ENPP3: variants seen among roughly 807,000 people sequenced by gnomAD.
ENPP3 encodes the protein ectonucleotide pyrophosphatase/phosphodiesterase 3, also known as ectonucleotide pyrophosphatase/phosphodiesterase family member 3.
ENPP3 carries 104 observed loss-of-function variants against 117.8 expected under a neutral mutation model. That is an observed-to-expected ratio of 0.88 (90% CI 0.75 to 1.04). The LOEUF is 1.04. Ranked by LOEUF, ENPP3 falls within the 50% of genes least tolerant of loss-of-function variation. The pLI, the probability that ENPP3 is intolerant of heterozygous loss-of-function variation, is 0.00. For missense variants in ENPP3, 1,026 were observed against 1,051.9 expected (o/e 0.98, Z 0.34); for synonymous variants, 380 against 349.9 (o/e 1.09, Z -0.96).
rs1020218815 is a variant in ENPP3 at position 131,674,053 on chromosome 6, G to A, written c.643-109G>A. 4.6e-6 allele frequency: 3 copies of A among 657,834 alleles called. No homozygotes were observed. In the East Asian group the frequency reaches 8.5e-5, roughly 19 times the overall value. 40.7% of individuals were successfully genotyped at this position (657,834 alleles called of 1,614,324 possible). Reference sequence around the variant, plus strand: ...AGGTCCAGGTGTTTTACATTGAAAGGTATATAGTACCTTTCTTAGGTATGA... The same window carrying A: ...AGGTCCAGGTGTTTTACATTGAAAGATATATAGTACCTTTCTTAGGTATGA... On this transcript the variant is annotated intron_variant, in intron 7 of 24. Transcript: ENST00000357639.
chr6:131,722,144 G>C, intron 17 of ENPP3, 83 bp from the exon 18 acceptor site: 1 of 897,420 alleles, frequency 1.1e-6, no homozygotes, highest in Non-Finnish European at 1.8e-6. Flanking sequence ...GAAAGAGTAG[G>C]TGTTTGTTTC....
At chr6:131,687,339 T>G (rs148326707) in intron 14 of ENPP3, among the ~76,000 whole-genome samples, 1 of 152,270 alleles carries the variant, frequency 6.6e-6, no homozygotes, top group Non-Finnish European at 1.5e-5. Context: ...GACCCCTACC[T>G]TTTGCCATAT....
In ENPP3 at chr6:131,652,820, A is replaced by G. The variant is rs1778292871; in HGVS notation, c.404-11A>G. 1 of 1,612,248 alleles carries G rather than the reference A, an allele frequency of 6.2e-7. No homozygotes were observed. The highest frequency in any genetic ancestry group is 8.5e-7 in the Non-Finnish European group (1 of 1,178,328). On this transcript the variant is annotated splice_polypyrimidine_tract_variant and intron_variant, in intron 4 of 24. Transcript: ENST00000357639. ...CAGCAAGTATCAAGATTTTGATCTT[A>G]TGCTTTTCAGGAGAAACCTCATGGC... is the stretch of plus-strand genomic sequence containing the variant.
Position 131,678,016 on chromosome 6 carries a change from T to C in ENPP3, c.1011+76T>C, listed in dbSNP as rs1023292734. On this transcript the variant is annotated intron_variant, in intron 11 of 24. Transcript: ENST00000357639. The stretch of plus-strand genomic sequence containing the variant: ...CCTAACCCACAAAACAAGATAGTAT[T>C]CTTTAACTTCTACTGAGCACAAATG... The C allele has an allele frequency of 1.8e-5, 15 of 819,514 alleles. No homozygotes were observed. The African/African-American group carries it at 2.1e-4, about 11-fold the overall frequency. The allele number at this position is 819,514 out of a possible 1,614,324, so 50.8% of individuals were successfully genotyped here.
rs764773390 is a variant in ENPP3, at chr6:131,658,297, G to A, written c.465-26G>A. On this transcript the variant is annotated intron_variant, in intron 5 of 24. Transcript: ENST00000357639. ...GGTAAATGTAGCTATCCAAAACAATGGACAAATTTTGTTTTCCATTTTCAG... is the reference window on the plus strand; with the variant it reads ...GGTAAATGTAGCTATCCAAAACAATAGACAAATTTTGTTTTCCATTTTCAG... 3.1e-6 allele frequency: 4 copies of A among 1,300,588 alleles called. No individual in the cohort carries two copies. The South Asian group carries it at 3.6e-5, about 12-fold the overall frequency. 80.6% of individuals were successfully genotyped at this position (1,300,588 alleles called of 1,614,324 possible). A position where few individuals can be genotyped will look rare whatever the true frequency, so the allele number is the denominator to read the frequency against.
rs1168833200 is a variant in ENPP3, at chr6:131,695,070, C to T, written c.1412+1446C>T. 1.1e-4 allele frequency among the ~76,000 whole-genome samples: 17 copies of T among 151,802 alleles called. 1 individual carries two copies. The highest frequency in any genetic ancestry group is 2.5e-4 in the Non-Finnish European group (17 of 67,996). On this transcript the variant is annotated intron_variant, in intron 15 of 24. Coordinates refer to ENST00000357639, the MANE Select transcript of ENPP3 (RefSeq NM_005021.5). ...TCTCTTTGGGATCGAAGTTTATTAG[C>T]CCTTTGTGTAGATGGGTGGCTGTAC...
At chr6:131,691,186 A>G (rs1779269010) in intron 14 of ENPP3, among the ~76,000 whole-genome samples, 4 of 152,094 alleles carry the variant, frequency 2.6e-5, no homozygotes, top group Admixed American at 6.6e-5. Context: ...CCCTGGGCCT[A>G]TATTGAGCTT....
intron 6 of ENPP3, among the ~76,000 whole-genome samples, chr6:131,661,073 A>G (rs1010775206): frequency 2.6e-4 from 39 of 152,298 alleles, no homozygotes; most frequent in African/African-American, 9.1e-4. Flanking sequence ...CTCTTTTATT[A>G]AGGCCAAATA....
chr6:131,663,363 C>T (rs192911854), intron 6 of ENPP3, among the ~76,000 whole-genome samples: 40 of 151,628 alleles, frequency 2.6e-4, no homozygotes, highest in Non-Finnish European at 4.9e-4. Flanking sequence ...TATATAATGG[C>T]GGTCCCATAC....
intron 15 of ENPP3, among the ~76,000 whole-genome samples, chr6:131,695,607 A>T (rs1174237084): frequency 6.6e-6 from 1 of 152,188 alleles, no homozygotes. Flanking sequence ...CAGCCTTAAC[A>T]AGAGAGCAAG....
intron 5 of ENPP3, among the ~76,000 whole-genome samples, chr6:131,655,225 C>G (rs944979545): frequency 4.6e-5 from 7 of 152,166 alleles, no homozygotes; most frequent in Admixed American, 4.6e-4. Flanking sequence ...ATTACACAGT[C>G]AATTCATCTC....
intron 23 of ENPP3, among the ~76,000 whole-genome samples, chr6:131,739,011 C>A (rs989606729): frequency 6.6e-6 from 1 of 152,140 alleles, no homozygotes; most frequent in African/African-American, 2.4e-5. Context: ...CAAACTTTGA[C>A]AGCATTTTCT....
intron 24 of ENPP3, among the ~76,000 whole-genome samples, chr6:131,743,564 G>A (rs758353308): frequency 7.2e-5 from 11 of 152,008 alleles, no homozygotes; most frequent in Non-Finnish European, 1.5e-4. Context: ...AGGCATAGTG[G>A]CTCACCTGTA....
intron 12 of ENPP3, among the ~76,000 whole-genome samples, chr6:131,683,476 A>C (rs936861521): frequency 6.6e-6 from 1 of 152,188 alleles, no homozygotes; most frequent in Non-Finnish European, 1.5e-5. Context: ...CTTTCCAGCC[A>C]TGATTCGTTT....
intron 10 of ENPP3, 87 bp downstream of exon 10, chr6:131,676,888 AT>A: frequency 2.3e-6 from 2 of 854,414 alleles, no homozygotes; most frequent in South Asian, 1.6e-5. Context: ...TTAAATTACA[AT>A]TTTTGGCTAT....
chr6:131,652,644 C>A lies in ENPP3; in HGVS notation c.380C>A (p.Ala127Asp), dbSNP rs773320777. Residue 127 changes from alanine (A) to aspartate (D), a missense_variant, in exon 4 of 25, where the codon GCT (alanine) becomes GAT (aspartate). Ala to Asp is a moderately radical substitution (Grantham distance 126). Coordinates refer to ENST00000357639, the MANE Select transcript of ENPP3 (RefSeq NM_005021.5). ...TGTTTGCAGAGGAAAGATTGCTGTG[C>A]TGACTATAAGAGTGTTTGCCAAGGT... ...DDCLQRKDCC[A>D]DYKSVCQGET... 1 of 1,614,042 alleles carries A rather than the reference C, an allele frequency of 6.2e-7. No individual in the cohort carries two copies. Among genetic ancestry groups the A allele is most frequent in the South Asian group, 1.1e-5 (1 of 91,080 alleles).
intron 24 of ENPP3, among the ~76,000 whole-genome samples, chr6:131,745,846 C>G (rs899032814): frequency 6.6e-6 from 1 of 152,046 alleles, no homozygotes; most frequent in African/African-American, 2.4e-5. Flanking sequence ...CGGCCGGGTG[C>G]GGTGGCTCAT....
At chr6:131,684,674 ACT>A (rs1401569860) in intron 12 of ENPP3, among the ~76,000 whole-genome samples, 3 of 148,322 alleles carry the variant, frequency 2.0e-5, no homozygotes, top group African/African-American at 7.8e-5. Context: ...ACAGAGCAAG[ACT>A]CTGTCTCAAA....
rs1780054011 is a variant in ENPP3 at position 131,722,343 on chromosome 6, T to C, written c.1684T>C (p.Cys562Arg). The C allele has an allele frequency of 6.2e-7, 1 of 1,613,990 alleles. No homozygotes were observed. The highest frequency in any genetic ancestry group is 1.3e-5 in the African/African-American group (1 of 74,918). ...AGAGGAGGTGTCAAAGTTTTCTGTT[T>C]GTGGCTTTGCTAATCCATTGCCCAC... is the stretch of plus-strand genomic sequence containing the variant. The part of the protein sequence containing the change: ...HAEEVSKFSV[C>R]GFANPLPTES... The change falls in exon 18 of 25, where the codon TGT (cysteine) becomes CGT (arginine). Residue 562 changes from cysteine to arginine, a missense_variant. Physicochemically the swap from Cys to Arg is radical, Grantham distance 180 (BLOSUM62 -3). Coordinates refer to ENST00000357639, the MANE Select transcript of ENPP3 (RefSeq NM_005021.5).
Sources: gnomAD v4.1 joint callset for allele counts (sites outside exome capture counted in the v4.1 genomes callset) on GRCh38, gnomAD v4.1.1 for gene constraint, MANE v1.5 for transcripts, NCBI Gene and HGNC (gene_info 2026-07-23, HGNC 2026-07-21) for gene names.